PCDHGA9: variants seen among roughly 807,000 people sequenced by gnomAD.
PCDHGA9 encodes the protein protocadherin gamma subfamily A, 9.
Under a neutral mutation model 62.5 loss-of-function variants are expected in PCDHGA9, and 37 were observed. That is an observed-to-expected ratio of 0.59 (90% CI 0.46 to 0.78). The LOEUF (loss-of-function observed/expected upper bound fraction) is 0.78. Among genes scored for constraint, PCDHGA9 ranks in the 30% least tolerant of loss-of-function variants. PCDHGA9 has a pLI of 0.00. For missense variants in PCDHGA9, 1,138 were observed against 1,166.2 expected, an observed-to-expected ratio of 0.98 and a Z score of 0.35; for synonymous variants, 459 against 484.6, an observed-to-expected ratio of 0.95 and a Z score of 0.69.
At chr5:141,423,440 C>G in intron 1 of PCDHGA9, 1 of 1,613,970 alleles carries the variant, frequency 6.2e-7, no homozygotes, top group South Asian at 1.1e-5. Context: ...GGTATGCCCA[C>G]GTCACATTTT....
intron 1 of PCDHGA9, among the ~76,000 whole-genome samples, chr5:141,455,419 G>A (rs1462099602): frequency 6.6e-6 from 1 of 152,124 alleles, no homozygotes; most frequent in Non-Finnish European, 1.5e-5. Context: ...AGGGAGCGGG[G>A]CTCCAAAAGA....
chr5:141,431,092 G>A lies in PCDHGA9; in HGVS notation c.2424+25716G>A. On this transcript the variant is annotated intron_variant, in intron 1 of 3. Coordinates refer to ENST00000573521, the MANE Select transcript of PCDHGA9 (RefSeq NM_018921.3). This position sits in a 1 kb window ranked among gnomAD's most constrained non-coding sequence, Gnocchi z 4.8. ...AATTAAATCTAGACATTCTGATGGAGGATAAAGTGAAAATATATGGAGTAG... is the reference window on the plus strand; with the variant it reads ...AATTAAATCTAGACATTCTGATGGAAGATAAAGTGAAAATATATGGAGTAG... 1 of 1,614,252 alleles carries A rather than the reference G, an allele frequency of 6.2e-7. No individual in the cohort carries two copies. The highest frequency in any genetic ancestry group is 1.1e-5 in the South Asian group (1 of 91,090).
intron 1 of PCDHGA9, among the ~76,000 whole-genome samples, chr5:141,465,683 A>G (rs2099107378): frequency 6.6e-6 from 1 of 152,236 alleles, no homozygotes; most frequent in African/African-American, 2.4e-5. Context: ...GCTCTTGACC[A>G]GTCTGCTTTT....
Position 141,487,856 on chromosome 5 carries a change from T to C in PCDHGA9, c.2425-6951T>C. The C allele has an allele frequency of 2.0e-6, 2 of 977,364 alleles. No homozygotes were observed. The highest frequency in any genetic ancestry group is 3.0e-6 in the Non-Finnish European group (2 of 671,858). 60.5% of individuals were successfully genotyped at this position (977,364 alleles called of 1,614,324 possible). A position where few individuals can be genotyped will look rare whatever the true frequency, so the allele number is the denominator to read the frequency against. Reference sequence around the variant, plus strand: ...ATATCTGAGTAAGAAATGAAAGTAATTGGTGATCAAGAGCCAGGCTGTTGT... The same window carrying C: ...ATATCTGAGTAAGAAATGAAAGTAACTGGTGATCAAGAGCCAGGCTGTTGT... On this transcript the variant is annotated intron_variant, in intron 1 of 3. Transcript: ENST00000573521. The surrounding 1 kb of genome is among the most constrained non-coding windows in gnomAD (Gnocchi z 5.0).
chr5:141,446,251 A>G (rs979768028), intron 1 of PCDHGA9, among the ~76,000 whole-genome samples: 1 of 152,178 alleles, frequency 6.6e-6, no homozygotes, highest in Admixed American at 6.5e-5. Context: ...ATCTTCAGTG[A>G]AATATTATTA....
At position 141,510,979 on chromosome 5, in the gene PCDHGA9, G is replaced by T; in HGVS notation, c.2605G>T (p.Gly869Cys). 3.7e-6 allele frequency: 6 copies of T among 1,614,156 alleles called. No individual in the cohort carries two copies. Among genetic ancestry groups the T allele is most frequent in the Non-Finnish European group, 4.2e-6 (5 of 1,180,018 alleles). Residue 869 changes from glycine to cysteine, a missense_variant, in exon 4 of 4, where the codon GGT becomes TGT. Gly to Cys is a radical substitution (Grantham distance 159). Coordinates refer to ENST00000573521, the MANE Select transcript of PCDHGA9 (RefSeq NM_018921.3). ...TGATGGGAGCTCCACCCTGGGAGGGGGTGCCGGCACCATGGGATTGAGCGC... is the reference window on the plus strand; with the variant it reads ...TGATGGGAGCTCCACCCTGGGAGGGTGTGCCGGCACCATGGGATTGAGCGC... Reference protein sequence around the residue: ...AADGSSTLGGGAGTMGLSARY... With the variant: ...AADGSSTLGGCAGTMGLSARY...
At chr5:141,408,896 G>A (rs1441378199) in intron 1 of PCDHGA9, 5 of 1,613,328 alleles carry the variant, frequency 3.1e-6, no homozygotes, top group East Asian at 2.2e-5. Flanking sequence ...AGAAATTTCT[G>A]TCAAGGATAC....
At chr5:141,408,205 G>A (rs1222360149) in intron 1 of PCDHGA9, 2 of 1,551,762 alleles carry the variant, frequency 1.3e-6, no homozygotes, top group Non-Finnish European at 1.7e-6. Context: ...AGCGAACGAT[G>A]GGAGGGAGCT....
Position 141,476,129 on chromosome 5 carries a change from G to A in PCDHGA9, c.2425-18678G>A. ...GCTTTTGAGTGAGATGGTCCCAGAG[G>A]CCTGGAGGAGCGGACTGGTAAGCAC... On this transcript the variant is annotated intron_variant, in intron 1 of 3. Transcript: ENST00000573521. This position sits in a 1 kb window ranked among gnomAD's most constrained non-coding sequence, Gnocchi z 7.6. The A allele has an allele frequency of 6.2e-7, 1 of 1,606,848 alleles. No homozygotes were observed. The highest frequency in any genetic ancestry group is 8.5e-7 in the Non-Finnish European group (1 of 1,177,814).
At position 141,404,696 on chromosome 5, in the gene PCDHGA9, G is replaced by T; in HGVS notation, c.1744G>T (p.Ala582Ser). 6.2e-7 allele frequency: 1 copy of T among 1,614,104 alleles called. No homozygotes were observed. Among genetic ancestry groups the T allele is most frequent in the South Asian group, 1.1e-5 (1 of 91,074 alleles). ...TGGTGTGGAGCTGGCACCCCGCTCT[G>T]CAGAGCCTGGCTACCTGGTGACCAA... Reference protein sequence around the residue: ...STGVELAPRSAEPGYLVTKVV... With the variant: ...STGVELAPRSSEPGYLVTKVV... The change falls in exon 1 of 4, where the codon GCA (alanine) becomes TCA (serine). Residue 582 changes from alanine to serine, a missense_variant. Coordinates refer to ENST00000573521, the MANE Select transcript of PCDHGA9 (RefSeq NM_018921.3).
intron 1 of PCDHGA9, chr5:141,421,731 C>G (rs73792198): frequency 6.2e-7 from 1 of 1,613,742 alleles, no homozygotes; most frequent in Non-Finnish European, 8.5e-7. Flanking sequence ...TGAACTCCCT[C>G]CAGAGCTACC....
intron 1 of PCDHGA9, chr5:141,478,044 C>A (rs1302168166): frequency 1.9e-6 from 3 of 1,614,184 alleles, no homozygotes; most frequent in South Asian, 1.1e-5. Flanking sequence ...CCCAGGCAGA[C>A]TCTCACGGTC....
intron 1 of PCDHGA9, chr5:141,414,391 T>TG (rs1367379916): frequency 6.2e-7 from 1 of 1,613,862 alleles, no homozygotes; most frequent in South Asian, 1.1e-5. Flanking sequence ...TGACAGTTAT[T>TG]ACAGATTGGT....
Position 141,402,845 on chromosome 5 carries a change from C to T in PCDHGA9, c.-108C>T, listed in dbSNP as rs1273253699. ...CTCCCAGGCTGCAGCAAAACTCAGC[C>T]TCTTTCTTCTAAGGAAAAGATCACC... On this transcript the variant is annotated 5_prime_UTR_variant, in exon 1 of 4. Coordinates refer to ENST00000573521, the MANE Select transcript of PCDHGA9 (RefSeq NM_018921.3). 3 of 1,405,122 alleles carry T rather than the reference C, an allele frequency of 2.1e-6. No homozygotes were observed. The highest frequency in any genetic ancestry group is 2.8e-6 in the Non-Finnish European group (3 of 1,071,468). The allele number at this position is 1,405,122 out of a possible 1,614,324, so 87.0% of individuals were successfully genotyped here. A position where few individuals can be genotyped will look rare whatever the true frequency, so the allele number is the denominator to read the frequency against.
chr5:141,423,957 T>G, intron 1 of PCDHGA9: 1 of 1,183,084 alleles, frequency 8.5e-7, no homozygotes, highest in Non-Finnish European at 1.1e-6. Context: ...TTTAGTATTA[T>G]TTTTCTATTA....
rs2099634686 is a variant in PCDHGA9 at position 141,486,772 on chromosome 5, T to G, written c.2425-8035T>G. 1 of 1,614,246 alleles carries G rather than the reference T, an allele frequency of 6.2e-7. No individual in the cohort carries two copies. The highest frequency in any genetic ancestry group is 8.5e-7 in the Non-Finnish European group (1 of 1,180,042). Reference sequence around the variant, plus strand: ...ATGAGCAAACCCAGACACTGCAGTTTGAGGTGCAGGCCCGGGATCGGGGCA... The same window carrying G: ...ATGAGCAAACCCAGACACTGCAGTTGGAGGTGCAGGCCCGGGATCGGGGCA... On this transcript the variant is annotated intron_variant, in intron 1 of 3. Coordinates refer to ENST00000573521, the MANE Select transcript of PCDHGA9 (RefSeq NM_018921.3). This position sits in a 1 kb window ranked among gnomAD's most constrained non-coding sequence, Gnocchi z 5.0.
intron 1 of PCDHGA9, among the ~76,000 whole-genome samples, chr5:141,472,213 C>T (rs1294676431): frequency 2.0e-5 from 3 of 152,178 alleles, no homozygotes; most frequent in African/African-American, 7.2e-5. Flanking sequence ...TAAGACCTTA[C>T]TCTCGATCAT....
intron 1 of PCDHGA9, chr5:141,409,204 C>A: frequency 6.2e-7 from 1 of 1,613,942 alleles, no homozygotes; most frequent in South Asian, 1.1e-5. Flanking sequence ...GTAAAGTAAT[C>A]ATAGAAATCC....
rs146919978 is a variant in PCDHGA9, at chr5:141,489,268, G to A, written c.2425-5539G>A. 1,443 of 1,553,166 alleles carry A rather than the reference G, an allele frequency of 9.3e-4. 2 individuals are homozygous for A. The highest frequency in any genetic ancestry group is 1.2e-3 in the Non-Finnish European group (1,381 of 1,149,786). On this transcript the variant is annotated intron_variant, in intron 1 of 3. Transcript: ENST00000573521. The surrounding 1 kb of genome is among the most constrained non-coding windows in gnomAD (Gnocchi z 4.5). ...GGGGCCCAAGACACTCCCACAGCTCGCTGGGAAATGGCAAGTGCTGTGCAT... is the reference window on the plus strand; with the variant it reads ...GGGGCCCAAGACACTCCCACAGCTCACTGGGAAATGGCAAGTGCTGTGCAT...
Sources: gnomAD v4.1 joint callset for allele counts (sites outside exome capture counted in the v4.1 genomes callset) on GRCh38, gnomAD v4.1.1 for gene constraint, Gnocchi (gnomAD v3.1) non-coding constraint, MANE v1.5 for transcripts, NCBI Gene and HGNC (gene_info 2026-07-23, HGNC 2026-07-21) for gene names.